The following ZNF236 variants were observed in gnomAD, a reference collection of about 807,000 sequenced individuals.
ZNF236 encodes the protein regulated by glucose.
In ZNF236, 50 loss-of-function variants were observed where a neutral mutation model predicts 191.2. That is an observed-to-expected ratio of 0.26 (90% CI 0.21 to 0.33). The LOEUF (loss-of-function observed/expected upper bound fraction) is 0.33. ZNF236 is among the 10% of genes least tolerant of loss of function. The pLI, the probability that ZNF236 is intolerant of heterozygous loss-of-function variation, is 1.00. For missense variants in ZNF236, 1,754 were observed against 2,374.5 expected, an observed-to-expected ratio of 0.74 and a Z score of 5.43; for synonymous variants, 907 against 928.8, an observed-to-expected ratio of 0.98 and a Z score of 0.43.
At chr18:76,824,032 T>C in intron 1 of ZNF236, 4 of 369,520 alleles carry the variant, frequency 1.1e-5, no homozygotes, top group Middle Eastern at 8.2e-4. Context: ...ATACCTTGAC[T>C]GCCGTTGATT....
chr18:76,923,074 T>C lies in ZNF236; in HGVS notation c.3561T>C (p.His1187=). Residue 1187 remains histidine (H), a synonymous_variant, in exon 21 of 31, where the codon CAT becomes CAC. Coordinates refer to ENST00000320610, the MANE Select transcript of ZNF236 (RefSeq NM_001306089.2). ...SFKKPSDLVR[H]VRIHTGEKPY... is the part of the protein sequence containing the mutation. ...ATAATTAATGCTTTTTGGATAGGCA[T>C]GTTCGAATCCATACTGGAGAAAAGC... 2.5e-6 allele frequency: 4 copies of C among 1,611,260 alleles called. No homozygotes were observed. Among genetic ancestry groups the C allele is most frequent in the Non-Finnish European group, 3.4e-6 (4 of 1,177,506 alleles).
At chr18:76,854,584 C>A (rs76016164) in intron 3 of ZNF236, among the ~76,000 whole-genome samples, 238 of 143,448 alleles carry the variant, frequency 1.7e-3, no homozygotes, top group African/African-American at 1.7e-3. Flanking sequence ...ACTGTCACTA[C>A]AAAAAAAAAA....
chr18:76,902,664 C>T (rs557131307), intron 11 of ZNF236, among the ~76,000 whole-genome samples: 3 of 152,244 alleles, frequency 2.0e-5, no homozygotes, highest in Non-Finnish European at 2.9e-5. Flanking sequence ...CTCTGCCTCC[C>T]GGGTTCAAGC....
chr18:76,916,760 C>T (rs868189289), intron 19 of ZNF236, among the ~76,000 whole-genome samples: 2 of 152,282 alleles, frequency 1.3e-5, no homozygotes, highest in South Asian at 2.1e-4. Flanking sequence ...TGGGCTCTTG[C>T]CTGTGCCGCG....
Position 76,925,916 on chromosome 18 carries a change from T to C in ZNF236, c.4027+362T>C, listed in dbSNP as rs1404290578. On this transcript the variant is annotated intron_variant, in intron 22 of 30. Coordinates refer to ENST00000320610, the MANE Select transcript of ZNF236 (RefSeq NM_001306089.2). This position sits in a 1 kb window ranked among gnomAD's most constrained non-coding sequence, Gnocchi z 5.7. ...TTTTTGATATAGTGCAGTTTTCCAG[T>C]TGTTCTTGCGTCTCATAGTGCTTGA... is the stretch of plus-strand genomic sequence containing the variant. 6.6e-6 allele frequency among the ~76,000 whole-genome samples: 1 copy of C among 152,244 alleles called. No homozygotes were observed. Among genetic ancestry groups the C allele is most frequent in the African/African-American group, 2.4e-5 (1 of 41,456 alleles).
At chr18:76,836,524 C>T (rs1975329534) in intron 1 of ZNF236, among the ~76,000 whole-genome samples, 1 of 152,018 alleles carries the variant, frequency 6.6e-6, no homozygotes, top group African/African-American at 2.4e-5. Context: ...CCCTTTTCTC[C>T]TTCTTGATAG....
chr18:76,840,335 A>AGTGCCATC (rs1975444302), intron 1 of ZNF236, among the ~76,000 whole-genome samples: 1 of 152,166 alleles, frequency 6.6e-6, no homozygotes, highest in Non-Finnish European at 1.5e-5. Context: ...TCTCTACTAA[A>AGTGCCATC]AATACAAAAT....
Position 76,923,183 on chromosome 18 carries a change from A to G in ZNF236, c.3661+9A>G. ...TGTGAAGACTCACACAGGTAAGGAA[A>G]ACATGCCTGCGTCATTGGTAGAGGT... On this transcript the variant is annotated intron_variant, in intron 21 of 30. Coordinates refer to ENST00000320610, the MANE Select transcript of ZNF236 (RefSeq NM_001306089.2). 6.4e-7 allele frequency: 1 copy of G among 1,572,536 alleles called. No homozygotes were observed. Among genetic ancestry groups the G allele is most frequent in the Non-Finnish European group, 8.8e-7 (1 of 1,142,032 alleles).
rs749171688 is a variant in ZNF236, at chr18:76,927,393, G to A, written c.4290G>A (p.Thr1430=). The stretch of plus-strand genomic sequence containing the variant: ...GCTCTCTCCAGACATCGGACAGCAC[G>A]GTCCCTGCCAGTGTTGTCATCCAGC... ...QNSSLQTSDS[T]VPASVVIQPI... The change falls in exon 24 of 31, where the codon ACG becomes ACA. Residue 1430 remains threonine (T), a synonymous_variant. Transcript: ENST00000320610. This position sits in a 1 kb window ranked among gnomAD's most constrained non-coding sequence, Gnocchi z 5.4. 24 of 1,614,148 alleles carry A rather than the reference G, an allele frequency of 1.5e-5. No individual in the cohort carries two copies. Among genetic ancestry groups the A allele is most frequent in the South Asian group, 2.2e-5 (2 of 91,066 alleles).
chr18:76,898,771 G>C (rs1196449578), intron 10 of ZNF236, among the ~76,000 whole-genome samples: 1 of 152,180 alleles, frequency 6.6e-6, no homozygotes, highest in Non-Finnish European at 1.5e-5. Flanking sequence ...TACAATGTAA[G>C]ACTTTGTCCT....
rs925283866 is a variant in ZNF236, at chr18:76,868,766, C to G, written c.445C>G (p.Leu149Val). 6.2e-7 allele frequency: 1 copy of G among 1,613,844 alleles called. No individual in the cohort carries two copies. The highest frequency in any genetic ancestry group is 8.5e-7 in the Non-Finnish European group (1 of 1,179,950). Residue 149 changes from leucine to valine, a missense_variant, in exon 4 of 31, where the codon CTG (leucine) becomes GTG (valine). Leu to Val is a conservative substitution (Grantham distance 32). Coordinates refer to ENST00000320610, the MANE Select transcript of ZNF236 (RefSeq NM_001306089.2). The part of the protein sequence containing the change: ...AVHMEEHRQE[L>V]AGTRQHACKA... The stretch of plus-strand genomic sequence containing the variant: ...GCACATGGAGGAGCACCGCCAGGAG[C>G]TGGCTGGAACCCGGCAGCATGCCTG...
At chr18:76,948,996 T>C (rs2122924280) in intron 27 of ZNF236, among the ~76,000 whole-genome samples, 1 of 152,300 alleles carries the variant, frequency 6.6e-6, no homozygotes, top group Non-Finnish European at 1.5e-5. Flanking sequence ...GCTCGGGAGC[T>C]GATCAGGGGC....
intron 18 of ZNF236, 64 bp from the exon 19 acceptor site, chr18:76,915,583 T>C: frequency 6.7e-7 from 1 of 1,494,334 alleles, no homozygotes; most frequent in Non-Finnish European, 9.3e-7. Flanking sequence ...TTTTGACTGC[T>C]TCTGGTTTTA....
chr18:76,873,289 G>A (rs1220077977), intron 5 of ZNF236, among the ~76,000 whole-genome samples: 7 of 152,140 alleles, frequency 4.6e-5, no homozygotes, highest in Non-Finnish European at 8.8e-5. Context: ...TTTTTTACGC[G>A]TACATAAATA....
At chr18:76,873,884 T>C (rs1599353300) in intron 5 of ZNF236, among the ~76,000 whole-genome samples, 1 of 149,486 alleles carries the variant, frequency 6.7e-6, no homozygotes, top group African/African-American at 2.5e-5. Context: ...CCTGCCCCCC[T>C]GTCGTCCTCT....
Position 76,925,612 on chromosome 18 carries a change from T to A in ZNF236, c.4027+58T>A, listed in dbSNP as rs193153717. ...CAGTGATTGAACTGTTCTGTGCTGC[T>A]TCTGTCTGTTCCCACGACAGAAGAG... is the stretch of plus-strand genomic sequence containing the variant. On this transcript the variant is annotated intron_variant, in intron 22 of 30. Transcript: ENST00000320610. This position sits in a 1 kb window ranked among gnomAD's most constrained non-coding sequence, Gnocchi z 5.7. 1 of 1,564,358 alleles carries A rather than the reference T, an allele frequency of 6.4e-7. No homozygotes were observed. The highest frequency in any genetic ancestry group is 8.6e-7 in the Non-Finnish European group (1 of 1,157,700).
chr18:76,858,143 G>C (rs1177186828), intron 3 of ZNF236, among the ~76,000 whole-genome samples: 1 of 152,014 alleles, frequency 6.6e-6, no homozygotes, highest in African/African-American at 2.4e-5. Context: ...TAAGTTTTTG[G>C]TTCTGTGTTG....
intron 30 of ZNF236, among the ~76,000 whole-genome samples, chr18:76,962,664 C>A (rs779147068): frequency 5.9e-5 from 9 of 152,170 alleles, no homozygotes; most frequent in Non-Finnish European, 1.3e-4. Context: ...GCCATTTTCA[C>A]AATATTGATT....
chr18:76,942,563 G>A (rs941710945), intron 26 of ZNF236, among the ~76,000 whole-genome samples: 1 of 151,372 alleles, frequency 6.6e-6, no homozygotes, highest in Non-Finnish European at 1.5e-5. Context: ...CCAGGCTGGA[G>A]TGCAGTGGCA....
Sources: allele counts gnomAD v4.1 joint callset (sites outside exome capture counted in the v4.1 genomes callset), GRCh38; gene constraint gnomAD v4.1.1; non-coding constraint Gnocchi (gnomAD v3.1); transcripts MANE v1.5; gene names NCBI Gene and HGNC (gene_info 2026-07-23, HGNC 2026-07-21).